UNC13B: variants seen among roughly 807,000 people sequenced by gnomAD.
UNC13B encodes unc-13 homolog B, also known as protein unc-13 homolog B.
Under a neutral mutation model 211.0 loss-of-function variants are expected in UNC13B, and 144 were observed. That is an observed-to-expected ratio of 0.68 (90% CI 0.60 to 0.78). The LOEUF (loss-of-function observed/expected upper bound fraction) is 0.78, where lower values mean the gene tolerates loss of function less well. Among genes scored for constraint, UNC13B ranks in the 30% least tolerant of loss-of-function variants. The pLI, the probability that UNC13B is intolerant of heterozygous loss-of-function variation, is 0.00. For synonymous variants in UNC13B, 709 were observed against 725.8 expected, an observed-to-expected ratio of 0.98 and a Z score of 0.37; for missense variants, 1,777 against 2,002.0, an observed-to-expected ratio of 0.89 and a Z score of 2.14.
intron 7 of UNC13B, among the ~76,000 whole-genome samples, chr9:35,276,305 CAAAA>C (rs35634253): frequency 6.0e-5 from 5 of 84,014 alleles, no homozygotes; most frequent in Non-Finnish European, 2.5e-5. Flanking sequence ...GAGCCTGTCT[CAAAA>C]AAAAAAAAAA....
intron 1 of UNC13B, chr9:35,227,667 A>G: frequency 4.8e-6 from 1 of 206,782 alleles, no homozygotes; most frequent in Non-Finnish European, 9.6e-6. Flanking sequence ...AATAGAGGGG[A>G]TTTCTATGCT....
At position 35,370,412 on chromosome 9, in the gene UNC13B, T is replaced by G. The variant is rs745677574; in HGVS notation, c.9540+16T>G. On this transcript the variant is annotated intron_variant, in intron 13 of 39. Coordinates refer to ENST00000635942, the MANE Select transcript of UNC13B (RefSeq NM_001371189.2). ...CAGTGATCTGGTGAGTGAAGACTCT[T>G]GTGCAGGCATAGGCAGTAGCCTTGG... 6.2e-7 allele frequency: 1 copy of G among 1,612,876 alleles called. No individual in the cohort carries two copies. Among genetic ancestry groups the G allele is most frequent in the South Asian group, 1.1e-5 (1 of 91,046 alleles).
At chr9:35,327,758 C>T (rs1177989085) in intron 11 of UNC13B, among the ~76,000 whole-genome samples, 1 of 152,198 alleles carries the variant, frequency 6.6e-6, no homozygotes, top group Non-Finnish European at 1.5e-5. Flanking sequence ...TTAACCATTA[C>T]CGTCAATGAA....
At chr9:35,192,423 A>G (rs1013355926) in intron 1 of UNC13B, among the ~76,000 whole-genome samples, 1 of 152,172 alleles carries the variant, frequency 6.6e-6, no homozygotes, top group East Asian at 1.9e-4. Context: ...TTTCAGCTGT[A>G]GTTTGGGGTT....
Position 35,310,621 on chromosome 9 carries a change from G to A in UNC13B, c.9163G>A (p.Gly3055Ser), listed in dbSNP as rs1456503818. Residue 3055 changes from glycine to serine, a missense_variant, in exon 10 of 40, where the codon GGC (glycine) becomes AGC (serine). Coordinates refer to ENST00000635942, the MANE Select transcript of UNC13B (RefSeq NM_001371189.2). ...CHSSHSLSRD[G>S]QAGFGEQEKP... ...CAGCTCTCACAGCCTGTCCAGAGAT[G>A]GCCAAGCAGGTTTTGGAGAACAAGA... The A allele has an allele frequency of 6.2e-7, 1 of 1,613,970 alleles. No homozygotes were observed. The highest frequency in any genetic ancestry group is 1.7e-5 in the Admixed American group (1 of 59,984).
intron 11 of UNC13B, among the ~76,000 whole-genome samples, chr9:35,321,215 T>C (rs1426649268): frequency 6.6e-6 from 1 of 152,084 alleles, no homozygotes; most frequent in Non-Finnish European, 1.5e-5. Context: ...ATTCCTCTTG[T>C]TTCTTTCTTT....
chr9:35,290,585 G>C (rs970322342), intron 7 of UNC13B, among the ~76,000 whole-genome samples: 1 of 151,028 alleles, frequency 6.6e-6, no homozygotes, highest in African/African-American at 2.4e-5. Flanking sequence ...CCCAGACAAG[G>C]GAATTACTCC....
intron 8 of UNC13B, 148 bp from the exon 9 acceptor site, chr9:35,300,018 T>C (rs1349480378): frequency 2.5e-6 from 1 of 395,022 alleles, no homozygotes; most frequent in African/African-American, 2.1e-5. Context: ...GAAGCAGAGA[T>C]AAAAGAAATT....
intron 7 of UNC13B, among the ~76,000 whole-genome samples, chr9:35,267,514 G>C (rs1827642975): frequency 6.6e-6 from 1 of 152,192 alleles, no homozygotes; most frequent in African/African-American, 2.4e-5. Context: ...TTCACATGCT[G>C]TGTCAGTATT....
At chr9:35,378,508 T>G in intron 17 of UNC13B, 72 bp downstream of exon 17, 2 of 1,592,254 alleles carry the variant, frequency 1.3e-6, no homozygotes, top group South Asian at 2.2e-5. Flanking sequence ...CCTGCCATTC[T>G]GGGCTTGAGC....
At chr9:35,360,386 C>G (rs1003342729) in intron 11 of UNC13B, among the ~76,000 whole-genome samples, 3 of 152,200 alleles carry the variant, frequency 2.0e-5, no homozygotes, top group African/African-American at 7.2e-5. Context: ...ATTTAATTAT[C>G]AAAGAAGTGG....
chr9:35,192,872 G>T (rs1350442277), intron 1 of UNC13B, among the ~76,000 whole-genome samples: 1 of 152,168 alleles, frequency 6.6e-6, no homozygotes, highest in Non-Finnish European at 1.5e-5. Flanking sequence ...TGACAAAAAG[G>T]CATCTCTTTT....
At chr9:35,209,104 AC>A (rs1421639602) in intron 1 of UNC13B, among the ~76,000 whole-genome samples, 1 of 152,094 alleles carries the variant, frequency 6.6e-6, no homozygotes, top group East Asian at 1.9e-4. Context: ...TTGCTGTGTC[AC>A]CCAGGGTGGA....
At chr9:35,324,792 A>G (rs898772164) in intron 11 of UNC13B, among the ~76,000 whole-genome samples, 2 of 152,152 alleles carry the variant, frequency 1.3e-5, no homozygotes, top group Non-Finnish European at 2.9e-5. Context: ...CTCTTTTCAT[A>G]TAAATCTATA....
chr9:35,387,186 C>T lies in UNC13B; in HGVS notation c.11094+893C>T, dbSNP rs1003079203. On this transcript the variant is annotated intron_variant, in intron 24 of 39. Transcript: ENST00000635942. ...GAATTCCAAGGAGGAAGAGTCTTTT[C>T]GCACTCTTGATCAGATACCAGGAAA... Among the ~76,000 whole-genome samples, 6 of 152,256 alleles carry T rather than the reference C, an allele frequency of 3.9e-5. No individual in the cohort carries two copies. The East Asian group carries it at 5.8e-4, about 15-fold the overall frequency.
At chr9:35,263,241 A>G (rs893086372) in intron 7 of UNC13B, among the ~76,000 whole-genome samples, 1 of 152,198 alleles carries the variant, frequency 6.6e-6, no homozygotes, top group African/African-American at 2.4e-5. Flanking sequence ...AAATGACTTA[A>G]TAGTTAAACA....
Position 35,259,022 on chromosome 9 carries a change from G to C in UNC13B, c.498G>C (p.Lys166Asn). Residue 166 changes from lysine (K) to asparagine (N), a missense_variant, in exon 7 of 40, where the codon AAG (lysine) becomes AAC (asparagine). Physicochemically the swap from Lys to Asn is moderately conservative, Grantham distance 94. Coordinates refer to ENST00000635942, the MANE Select transcript of UNC13B (RefSeq NM_001371189.2). ...EYSSQEESQR[K>N]PLPTAAAQCS... ...CTAGTCAAGAAGAAAGCCAGAGGAA[G>C]CCATTGCCCACTGCTGCCGCCCAGT... 1.2e-6 allele frequency: 2 copies of C among 1,613,886 alleles called. No individual in the cohort carries two copies. Among genetic ancestry groups the C allele is most frequent in the South Asian group, 1.1e-5 (1 of 91,068 alleles).
intron 24 of UNC13B, 86 bp downstream of exon 24, chr9:35,386,379 T>C (rs1835191716): frequency 9.6e-6 from 15 of 1,565,756 alleles, no homozygotes; most frequent in Non-Finnish European, 1.2e-5. Context: ...GGAAAAGCAC[T>C]CAGGACAAAG....
intron 11 of UNC13B, among the ~76,000 whole-genome samples, chr9:35,365,700 A>G (rs1048645296): frequency 5.9e-5 from 9 of 151,840 alleles, no homozygotes; most frequent in Admixed American, 4.6e-4. Flanking sequence ...TACTATCCCC[A>G]TTGTCTTTTG....
Sources: allele counts gnomAD v4.1 joint callset (sites outside exome capture counted in the v4.1 genomes callset), GRCh38; gene constraint gnomAD v4.1.1; transcripts MANE v1.5; gene names NCBI Gene and HGNC (gene_info 2026-07-23, HGNC 2026-07-21).